STRADA: variants seen among roughly 807,000 people sequenced by gnomAD.
STRADA encodes STE20 related adaptor alpha.
STRADA carries 26 observed loss-of-function variants against 55.0 expected under a neutral mutation model. The observed-to-expected ratio is 0.47, with a 90% CI of 0.35 to 0.66. The LOEUF (loss-of-function observed/expected upper bound fraction) is 0.66, where lower values mean the gene tolerates loss of function less well. STRADA is among the 30% of genes least tolerant of loss of function. The probability of loss-of-function intolerance (pLI) is 0.01; values close to 1 mark genes in which losing one functional copy is unlikely to be tolerated. For synonymous variants in STRADA, 197 were observed against 210.9 expected, an observed-to-expected ratio of 0.93 and a Z score of 0.57; for missense variants, 443 against 549.7, an observed-to-expected ratio of 0.81 and a Z score of 1.94.
intron 1 of STRADA, among the ~76,000 whole-genome samples, chr17:63,738,672 A>G (rs1195219570): frequency 6.6e-6 from 1 of 151,990 alleles, no homozygotes; most frequent in Non-Finnish European, 1.5e-5. Flanking sequence ...GCCCCAGGCA[A>G]TATGGTGAAA....
chr17:63,733,854 A>C (rs539785619), intron 1 of STRADA, among the ~76,000 whole-genome samples: 1 of 152,318 alleles, frequency 6.6e-6, no homozygotes, highest in South Asian at 2.1e-4. Context: ...CATTTCACAC[A>C]TGCTACCACA....
At chr17:63,712,846 CAA>C (rs980688745) in intron 6 of STRADA, among the ~76,000 whole-genome samples, 7 of 151,030 alleles carry the variant, frequency 4.6e-5, no homozygotes, top group Admixed American at 3.3e-4. Flanking sequence ...TCTAAAAATA[CAA>C]AAGTTAGCCG....
At chr17:63,709,778 C>A (rs1397294335) in intron 8 of STRADA, among the ~76,000 whole-genome samples, 1 of 152,162 alleles carries the variant, frequency 6.6e-6, no homozygotes, top group Non-Finnish European at 1.5e-5. Flanking sequence ...ACCATTTTCC[C>A]TACTATGAGC....
intron 1 of STRADA, among the ~76,000 whole-genome samples, chr17:63,730,528 T>C (rs2037963622): frequency 6.6e-6 from 1 of 151,948 alleles, no homozygotes; most frequent in African/African-American, 2.4e-5. Context: ...CCTGAGTAGC[T>C]GGAACTACAG....
At chr17:63,739,314 TCTAC>T (rs1311149202) in intron 1 of STRADA, among the ~76,000 whole-genome samples, 1 of 152,160 alleles carries the variant, frequency 6.6e-6, no homozygotes, top group Non-Finnish European at 1.5e-5. Context: ...TTAGAGTAGC[TCTAC>T]CTAGTGATTA....
intron 4 of STRADA, chr17:63,715,091 C>T (rs188761547): frequency 8.5e-5 from 13 of 152,308 alleles, no homozygotes; most frequent in African/African-American, 3.1e-4. Flanking sequence ...AGGCTCCTGA[C>T]CCAGCACTAC....
At chr17:63,723,264 C>CATCTCCT (rs757931288) in intron 4 of STRADA, 34 bp downstream of exon 4, 1 of 1,612,448 alleles carries the variant, frequency 6.2e-7, no homozygotes, top group Non-Finnish European at 8.5e-7. Context: ...CTCCATGCAA[C>CATCTCCT]AGCCATAGTG....
chr17:63,704,118 A>G (rs935893107), intron 11 of STRADA, 71 bp from the exon 12 acceptor site: 1 of 1,586,466 alleles, frequency 6.3e-7, no homozygotes, highest in Non-Finnish European at 8.6e-7. Flanking sequence ...CCTGCCACTT[A>G]TGCCTCAGCC....
intron 1 of STRADA, among the ~76,000 whole-genome samples, chr17:63,732,929 C>T (rs939234502): frequency 6.6e-6 from 1 of 152,016 alleles, no homozygotes; most frequent in Non-Finnish European, 1.5e-5. Flanking sequence ...GTGCTGTTGC[C>T]CAGGCTGCAA....
At chr17:63,739,981 T>C (rs769562699) in intron 1 of STRADA, among the ~76,000 whole-genome samples, 69 of 147,110 alleles carry the variant, frequency 4.7e-4, no homozygotes, top group Non-Finnish European at 7.2e-4. Flanking sequence ...TACCTGTTCC[T>C]GGTTTCAAAC....
chr17:63,725,640 C>G (rs2144122559), intron 3 of STRADA: 1 of 152,416 alleles, frequency 6.6e-6, no homozygotes, highest in South Asian at 2.1e-4. Context: ...GCGTGAGCCA[C>G]CGTGCCCGGC....
At chr17:63,719,899 G>A (rs1482852957) in intron 4 of STRADA, among the ~76,000 whole-genome samples, 1 of 152,100 alleles carries the variant, frequency 6.6e-6, no homozygotes, top group African/African-American at 2.4e-5. Context: ...CCTAGGTAGG[G>A]AATGATTCAT....
intron 1 of STRADA, among the ~76,000 whole-genome samples, chr17:63,732,299 C>T (rs1317552681): frequency 1.3e-5 from 2 of 152,156 alleles, no homozygotes; most frequent in Non-Finnish European, 2.9e-5. Flanking sequence ...GCTACCGCAC[C>T]TGGCCAATAG....
chr17:63,704,090 T>C (rs2143714310), intron 11 of STRADA, 43 bp from the exon 12 acceptor site: 1 of 1,599,488 alleles, frequency 6.3e-7, no homozygotes, highest in Non-Finnish European at 8.5e-7. Context: ...CACTGCCGTG[T>C]CCCCAGCTTC....
Position 63,707,435 on chromosome 17 carries a change from G to C in STRADA, c.582-17C>G, listed in dbSNP as rs774350888. On this transcript the variant is annotated splice_polypyrimidine_tract_variant and intron_variant, in intron 8 of 12. Coordinates refer to ENST00000336174, the MANE Select transcript of STRADA (RefSeq NM_001003787.4). ...TTGACACTCCTGGGGAAGCGGGGAG[G>C]GTGTCATGTCGAGAGCAGGAGCCCC... is the stretch of plus-strand genomic sequence containing the variant. The C allele has an allele frequency of 5.0e-6, 8 of 1,609,890 alleles. No individual in the cohort carries two copies. The highest frequency in any genetic ancestry group is 6.8e-6 in the Non-Finnish European group (8 of 1,176,656).
chr17:63,720,234 G>A (rs1030930045), intron 4 of STRADA, among the ~76,000 whole-genome samples: 10 of 151,666 alleles, frequency 6.6e-5, no homozygotes, highest in Non-Finnish European at 1.3e-4. Context: ...GAGTGCAATG[G>A]CGCTATCCTA....
intron 1 of STRADA, among the ~76,000 whole-genome samples, chr17:63,729,453 A>C (rs1021435698): frequency 2.0e-5 from 3 of 152,138 alleles, no homozygotes; most frequent in Admixed American, 6.6e-5. Flanking sequence ...TATTATTATG[A>C]CTATGCAAAT....
intron 10 of STRADA, chr17:63,704,846 G>A (rs1228982978): frequency 6.5e-7 from 1 of 1,535,764 alleles, no homozygotes; most frequent in African/African-American, 1.4e-5. Flanking sequence ...TGGAAAGCAG[G>A]GCTCACAGTT....
intron 4 of STRADA, among the ~76,000 whole-genome samples, chr17:63,721,755 A>G (rs2037342135): frequency 6.6e-6 from 1 of 152,156 alleles, no homozygotes; most frequent in African/African-American, 2.4e-5. Flanking sequence ...GTTCTTTATG[A>G]AACTGGCAAT....
Sources: gnomAD v4.1 joint callset for allele counts (sites outside exome capture counted in the v4.1 genomes callset) on GRCh38, gnomAD v4.1.1 for gene constraint, MANE v1.5 for transcripts, NCBI Gene and HGNC (gene_info 2026-07-23, HGNC 2026-07-21) for gene names.